TYW1B: variants seen among roughly 807,000 people sequenced by gnomAD.
TYW1B encodes the protein S-adenosyl-L-methionine-dependent tRNA 4-demethylwyosine synthase TYW1B.
Under a neutral mutation model 86.9 loss-of-function variants are expected in TYW1B, and 73 were observed. The ratio of observed to expected loss-of-function variants is 0.84; its 90% CI spans 0.70 to 1.02. The LOEUF (loss-of-function observed/expected upper bound fraction) is 1.02, where lower values mean the gene tolerates loss of function less well. Among genes scored for constraint, TYW1B ranks in the 50% least tolerant of loss-of-function variants. The pLI, the probability that TYW1B is intolerant of heterozygous loss-of-function variation, is 0.00. For missense variants in TYW1B, 637 were observed against 827.4 expected (o/e 0.77, Z 2.82); for synonymous variants, 248 against 292.8 (o/e 0.85, Z 1.56).
chr7:72,819,461 C>T (rs535222145), intron 2 of TYW1B, among the ~76,000 whole-genome samples: 1 of 152,238 alleles, frequency 6.6e-6, no homozygotes, highest in South Asian at 2.1e-4. Context: ...GAGAGAAGGT[C>T]TCACTCTGTC....
At chr7:72,700,790 G>C (rs1470316723) in intron 10 of TYW1B, among the ~76,000 whole-genome samples, 2 of 152,138 alleles carry the variant, frequency 1.3e-5, no homozygotes, top group Admixed American at 1.3e-4. Flanking sequence ...TTTCTGGCCA[G>C]GTGTGGTGGC....
At chr7:72,749,396 C>T (rs546258223) in intron 7 of TYW1B, among the ~76,000 whole-genome samples, 1 of 152,240 alleles carries the variant, frequency 6.6e-6, no homozygotes, top group Non-Finnish European at 1.5e-5. Context: ...TGGGTTCACG[C>T]CATTCTCCTG....
At position 72,799,535 on chromosome 7, in the gene TYW1B, G is replaced by T. The variant is rs545705583; in HGVS notation, c.846+2865C>A. On this transcript the variant is annotated intron_variant, in intron 6 of 13. Coordinates refer to ENST00000620995, the MANE Select transcript of TYW1B (RefSeq NM_001145440.3). ...GGCTGGAGTGCAGTGGCGCGATCTC[G>T]GCTCACTACAAGCTCTGCCTCCCAG... Among the ~76,000 whole-genome samples the T allele has an allele frequency of 2.0e-5, 3 of 150,792 alleles. No homozygotes were observed. The East Asian group carries it at 5.9e-4, about 29-fold the overall frequency.
intron 11 of TYW1B, among the ~76,000 whole-genome samples, chr7:72,632,374 T>C (rs1270249742): frequency 2.5e-5 from 3 of 118,738 alleles, no homozygotes; most frequent in African/African-American, 3.7e-5. Flanking sequence ...TACGCATATA[T>C]ATTATATATA....
intron 7 of TYW1B, among the ~76,000 whole-genome samples, chr7:72,768,037 T>C (rs1787801425): frequency 6.6e-6 from 1 of 151,840 alleles, no homozygotes; most frequent in Non-Finnish European, 1.5e-5. Flanking sequence ...ATCACTTGAG[T>C]CCAAGAGTTC....
At chr7:72,825,270 C>A (rs186891557) in intron 2 of TYW1B, among the ~76,000 whole-genome samples, 1,725 of 152,108 alleles carry the variant, frequency 0.011, 20 homozygotes, top group African/African-American at 0.023. Flanking sequence ...TGTTCCCCCC[C>A]AAAAAAGAGA....
intron 12 of TYW1B, among the ~76,000 whole-genome samples, chr7:72,620,602 T>C (rs1812191314): frequency 2.0e-5 from 3 of 152,006 alleles, no homozygotes. Context: ...TGTCTGGTTT[T>C]CTCTCTGCTG....
At chr7:72,663,098 C>T (rs1302520222) in intron 11 of TYW1B, among the ~76,000 whole-genome samples, 3 of 151,522 alleles carry the variant, frequency 2.0e-5, no homozygotes, top group Non-Finnish European at 2.9e-5. Context: ...AGATGAATGG[C>T]CGTGAATGAT....
chr7:72,690,538 CT>C (rs1337213255), intron 11 of TYW1B, among the ~76,000 whole-genome samples: 2 of 152,138 alleles, frequency 1.3e-5, no homozygotes, highest in African/African-American at 4.8e-5. Flanking sequence ...TTGGGTAGTA[CT>C]AGATCAGAAA....
rs190872282 is a variant in TYW1B, at chr7:72,666,254, A to T, written c.1506+28433T>A. On this transcript the variant is annotated intron_variant, in intron 11 of 13. Coordinates refer to ENST00000620995, the MANE Select transcript of TYW1B (RefSeq NM_001145440.3). Reference sequence around the variant, plus strand: ...CATGGCAAAACTCTGTCTCTAAAAAAAATAAATAAATAAAATAAAAATTTA... The same window carrying T: ...CATGGCAAAACTCTGTCTCTAAAAATAATAAATAAATAAAATAAAAATTTA... Among the ~76,000 whole-genome samples, 629 of 152,168 alleles carry T rather than the reference A, an allele frequency of 4.1e-3. 2 individuals carry two copies. The highest frequency in any genetic ancestry group is 0.011 in the South Asian group (51 of 4,824).
At chr7:72,689,595 T>C (rs2129570149) in intron 11 of TYW1B, among the ~76,000 whole-genome samples, 1 of 152,262 alleles carries the variant, frequency 6.6e-6, no homozygotes, top group African/African-American at 2.4e-5. Flanking sequence ...GATGAATGAC[T>C]ACACTGTCTT....
At chr7:72,790,060 G>C (rs1255943685) in intron 6 of TYW1B, among the ~76,000 whole-genome samples, 1 of 144,550 alleles carries the variant, frequency 6.9e-6, no homozygotes, top group Non-Finnish European at 1.5e-5. Flanking sequence ...GGATTCTCCT[G>C]CCTTAGTCTC....
chr7:72,595,744 T>A (rs1311382579), intron 13 of TYW1B, among the ~76,000 whole-genome samples: 2 of 151,972 alleles, frequency 1.3e-5, no homozygotes, highest in Non-Finnish European at 2.9e-5. Flanking sequence ...TCAAAAATAA[T>A]AAAATACTTC....
At chr7:72,748,161 A>C (rs6972878) in intron 7 of TYW1B, among the ~76,000 whole-genome samples, 118,571 of 151,276 alleles carry the variant, frequency 0.78, 46,686 homozygotes, top group Non-Finnish European at 0.8. Context: ...CCCAGCTACT[A>C]GGGAGGCTCA....
intron 11 of TYW1B, among the ~76,000 whole-genome samples, chr7:72,681,235 G>C (rs1813866962): frequency 6.6e-6 from 1 of 152,236 alleles, no homozygotes; most frequent in African/African-American, 2.4e-5. Flanking sequence ...TCGGATAAAT[G>C]CAATTTGCTC....
At chr7:72,632,271 A>AT (rs1366433102) in intron 11 of TYW1B, among the ~76,000 whole-genome samples, 1 of 101,890 alleles carries the variant, frequency 9.8e-6, no homozygotes, top group African/African-American at 5.0e-5. Flanking sequence ...AAAAATATAT[A>AT]TATATATATA....
chr7:72,699,066 C>G (rs545081738), intron 10 of TYW1B, among the ~76,000 whole-genome samples: 1 of 152,160 alleles, frequency 6.6e-6, no homozygotes, highest in African/African-American at 2.4e-5. Flanking sequence ...CACCACGCAG[C>G]GCCATGACTA....
At chr7:72,767,413 T>C (rs749018929) in intron 7 of TYW1B, among the ~76,000 whole-genome samples, 26 of 152,086 alleles carry the variant, frequency 1.7e-4, no homozygotes, top group Non-Finnish European at 3.1e-4. Flanking sequence ...GAGACCATCC[T>C]GGCTAACATG....
At chr7:72,624,357 G>A (rs1210235409) in intron 12 of TYW1B, among the ~76,000 whole-genome samples, 2 of 152,120 alleles carry the variant, frequency 1.3e-5, no homozygotes, top group Non-Finnish European at 2.9e-5. Context: ...ATAGGTCACT[G>A]TAAACAATCT....
Sources: allele counts gnomAD v4.1 joint callset (sites outside exome capture counted in the v4.1 genomes callset), GRCh38; gene constraint gnomAD v4.1.1; transcripts MANE v1.5; gene names NCBI Gene and HGNC (gene_info 2026-07-23, HGNC 2026-07-21).